NAALADL2: variants seen among roughly 807,000 people sequenced by gnomAD.
The protein encoded by NAALADL2 is inactive N-acetylated-alpha-linked acidic dipeptidase-like protein 2.
A neutral mutation model predicts 87.2 loss-of-function variants in NAALADL2; 76 were observed. The ratio of observed to expected loss-of-function variants is 0.87; its 90% CI spans 0.72 to 1.05. The LOEUF (loss-of-function observed/expected upper bound fraction) is 1.05. Among genes scored for constraint, NAALADL2 ranks in the 50% least tolerant of loss-of-function variants. The pLI, the probability that NAALADL2 is intolerant of heterozygous loss-of-function variation, is 0.00. For synonymous variants in NAALADL2, 354 were observed against 331.0 expected, an observed-to-expected ratio of 1.07 and a Z score of -0.75; for missense variants, 1,089 against 945.8, an observed-to-expected ratio of 1.15 and a Z score of -1.99.
intron 2 of NAALADL2, among the ~76,000 whole-genome samples, chr3:174,724,776 A>G (rs1732030868): frequency 1.3e-5 from 2 of 152,202 alleles, no homozygotes; most frequent in East Asian, 1.9e-4. Context: ...TAGTAGATCT[A>G]TTTTGCACTA....
chr3:174,704,953 C>A (rs925814079), intron 2 of NAALADL2, among the ~76,000 whole-genome samples: 1 of 152,198 alleles, frequency 6.6e-6, no homozygotes, highest in Non-Finnish European at 1.5e-5. Flanking sequence ...TAAATAAAAT[C>A]TCTAAGCACT....
At chr3:175,715,595 G>C (rs1741125012) in intron 11 of NAALADL2, among the ~76,000 whole-genome samples, 1 of 152,064 alleles carries the variant, frequency 6.6e-6, no homozygotes, top group Admixed American at 6.6e-5. Flanking sequence ...GACACTCAAG[G>C]CTGGGCATGG....
chr3:174,772,756 G>A (rs1714735890), intron 3 of NAALADL2, among the ~76,000 whole-genome samples: 1 of 152,118 alleles, frequency 6.6e-6, no homozygotes, highest in Admixed American at 6.5e-5. Flanking sequence ...AGTTAAGGTG[G>A]AAACACAAGA....
At chr3:174,941,651 A>G (rs1738610086) in intron 1 of NAALADL2, among the ~76,000 whole-genome samples, 3 of 152,168 alleles carry the variant, frequency 2.0e-5, no homozygotes, top group African/African-American at 4.8e-5. Flanking sequence ...TTATGTCTCT[A>G]AGAACTTGTT....
intron 2 of NAALADL2, among the ~76,000 whole-genome samples, chr3:174,697,353 A>G (rs192274622): frequency 8.5e-5 from 13 of 152,336 alleles, no homozygotes; most frequent in African/African-American, 2.9e-4. Flanking sequence ...AACGTTTCCT[A>G]TGCCTGGAAA....
At chr3:175,059,747 C>A in intron 1 of NAALADL2, 1 of 296,996 alleles carries the variant, frequency 3.4e-6, no homozygotes, top group East Asian at 9.9e-5. Flanking sequence ...ATCATCTTTA[C>A]TATTTGCAGC....
At chr3:175,295,718 AAC>A (rs58935758) in intron 4 of NAALADL2, among the ~76,000 whole-genome samples, 4,552 of 143,654 alleles carry the variant, frequency 0.032, 118 homozygotes, top group African/African-American at 0.067. Flanking sequence ...CATGCACACA[AAC>A]ACACACACAC....
intron 9 of NAALADL2, among the ~76,000 whole-genome samples, chr3:175,574,652 A>G (rs543831198): frequency 6.6e-6 from 1 of 151,910 alleles, no homozygotes; most frequent in East Asian, 1.9e-4. Context: ...GCTTTTTCTC[A>G]CTCTAGTAAG....
intron 1 of NAALADL2, among the ~76,000 whole-genome samples, chr3:175,060,760 T>A (rs571659718): frequency 6.6e-6 from 1 of 152,110 alleles, no homozygotes; most frequent in African/African-American, 2.4e-5. Flanking sequence ...ATAAAGAAAT[T>A]CTTCATTCTG....
intron 1 of NAALADL2, among the ~76,000 whole-genome samples, chr3:175,026,579 T>G (rs138280890): frequency 6.6e-6 from 1 of 151,092 alleles, no homozygotes; most frequent in Non-Finnish European, 1.5e-5. Flanking sequence ...TGCTTGAACC[T>G]GGTAGGCAGA....
At chr3:174,807,727 T>C (rs1719669248) in intron 3 of NAALADL2, among the ~76,000 whole-genome samples, 1 of 152,136 alleles carries the variant, frequency 6.6e-6, no homozygotes, top group African/African-American at 2.4e-5. Context: ...TTGTTTTCTT[T>C]GTAGTTGGAA....
intron 5 of NAALADL2, among the ~76,000 whole-genome samples, chr3:175,397,556 G>C (rs563895558): frequency 5.9e-5 from 9 of 152,236 alleles, no homozygotes; most frequent in Admixed American, 2.0e-4. Flanking sequence ...GTGACATCCA[G>C]TTATAATTCT....
intron 9 of NAALADL2, among the ~76,000 whole-genome samples, chr3:175,549,670 T>G (rs944754301): frequency 1.3e-5 from 2 of 151,836 alleles, no homozygotes; most frequent in African/African-American, 4.8e-5. Flanking sequence ...ATAATTAGAG[T>G]TAATTATTGT....
intron 1 of NAALADL2, among the ~76,000 whole-genome samples, chr3:175,041,212 T>C (rs1356690448): frequency 1.3e-5 from 2 of 152,154 alleles, no homozygotes; most frequent in African/African-American, 4.8e-5. Context: ...GTTCTTCATT[T>C]GGCACTTCTT....
intron 6 of NAALADL2, among the ~76,000 whole-genome samples, chr3:175,461,582 T>C (rs1404893286): frequency 1.3e-5 from 2 of 152,330 alleles, no homozygotes; most frequent in South Asian, 2.1e-4. Flanking sequence ...TGTGTGAAAA[T>C]GGTTATTGTA....
At chr3:175,207,777 G>A (rs1289531943) in intron 2 of NAALADL2, among the ~76,000 whole-genome samples, 3 of 151,752 alleles carry the variant, frequency 2.0e-5, no homozygotes, top group South Asian at 2.1e-4. Context: ...AAACATAACC[G>A]AAAAAAAGGA....
chr3:175,379,974 TCA>T (rs1386684179), intron 5 of NAALADL2, among the ~76,000 whole-genome samples: 1 of 152,062 alleles, frequency 6.6e-6, no homozygotes, highest in Non-Finnish European at 1.5e-5. Context: ...CTGCATGTTC[TCA>T]CTCATAGGTG....
At chr3:175,417,893 G>A (rs1334545949) in intron 5 of NAALADL2, among the ~76,000 whole-genome samples, 1 of 152,088 alleles carries the variant, frequency 6.6e-6, no homozygotes, top group African/African-American at 2.4e-5. Context: ...CCTTTCTTAT[G>A]GGCTCCTGAG....
intron 3 of NAALADL2, among the ~76,000 whole-genome samples, chr3:175,243,478 A>T (rs1022022895): frequency 1.3e-5 from 2 of 150,396 alleles, no homozygotes; most frequent in Non-Finnish European, 3.0e-5. Flanking sequence ...TTTGAAATAA[A>T]TTATAATGAA....
Sources: allele counts gnomAD v4.1 joint callset (sites outside exome capture counted in the v4.1 genomes callset), GRCh38; gene constraint gnomAD v4.1.1; transcripts MANE v1.5; gene names NCBI Gene and HGNC (gene_info 2026-07-23, HGNC 2026-07-21).